ZNF521: variants seen among roughly 807,000 people sequenced by gnomAD.
The protein encoded by ZNF521 is zinc finger protein 521, also known as LYST-interacting protein 3.
A neutral mutation model predicts 105.5 loss-of-function variants in ZNF521; 14 were observed. The ratio of observed to expected loss-of-function variants is 0.13; its 90% confidence interval spans 0.09 to 0.21. ZNF521 has a LOEUF of 0.21. Ranked by LOEUF, ZNF521 falls within the 10% of genes least tolerant of loss-of-function variation. ZNF521 has a pLI of 1.00. For synonymous variants in ZNF521, 635 were observed against 606.0 expected (o/e 1.05, Z -0.70); for missense variants, 1,233 against 1,629.7 (o/e 0.76, Z 4.19).
At chr18:25,267,676 C>T (rs1325070910) in intron 3 of ZNF521, among the ~76,000 whole-genome samples, 1 of 152,154 alleles carries the variant, frequency 6.6e-6, no homozygotes, top group African/African-American at 2.4e-5. Flanking sequence ...AGAAGAGCTG[C>T]AGCAGAGGGG....
chr18:25,236,276 C>A (rs920653849), intron 3 of ZNF521, among the ~76,000 whole-genome samples: 1 of 152,172 alleles, frequency 6.6e-6, no homozygotes, highest in Admixed American at 6.5e-5. Context: ...TGGCTCACGC[C>A]TGTAATCCCA....
At chr18:25,341,923 C>T (rs1441107439) in intron 2 of ZNF521, among the ~76,000 whole-genome samples, 33 of 152,070 alleles carry the variant, frequency 2.2e-4, no homozygotes, top group African/African-American at 2.2e-4. Context: ...TGGGATAAGA[C>T]GGGCATCAAA....
intron 5 of ZNF521, among the ~76,000 whole-genome samples, chr18:25,160,885 C>T (rs2035238991): frequency 6.6e-6 from 1 of 152,032 alleles, no homozygotes; most frequent in Admixed American, 6.6e-5. Context: ...TAAAATTCAG[C>T]AGGTCCTGAT....
chr18:25,268,011 A>G (rs551004948), intron 3 of ZNF521, among the ~76,000 whole-genome samples: 1 of 152,328 alleles, frequency 6.6e-6, no homozygotes, highest in South Asian at 2.1e-4. Flanking sequence ...TTCTAACCCA[A>G]TGCAAGGAAG....
chr18:25,074,969 T>TA (rs2033324341), intron 7 of ZNF521, among the ~76,000 whole-genome samples: 1 of 152,146 alleles, frequency 6.6e-6, no homozygotes, highest in Non-Finnish European at 1.5e-5. Context: ...TTCATTACAA[T>TA]AAAGCAATAT....
At chr18:25,273,070 T>TC (rs1370589489) in intron 3 of ZNF521, among the ~76,000 whole-genome samples, 1 of 150,486 alleles carries the variant, frequency 6.6e-6, no homozygotes, top group Non-Finnish European at 1.5e-5. Context: ...CTACAAAAAA[T>TC]AAAAAATTTA....
chr18:25,191,261 T>C (rs2035813065), intron 5 of ZNF521, among the ~76,000 whole-genome samples: 1 of 152,172 alleles, frequency 6.6e-6, no homozygotes. Flanking sequence ...CTTGTACCTA[T>C]TCCATTCATT....
intron 7 of ZNF521, among the ~76,000 whole-genome samples, chr18:25,071,856 CTTTGT>C (rs1053639333): frequency 6.6e-6 from 1 of 152,148 alleles, no homozygotes; most frequent in African/African-American, 2.4e-5. Flanking sequence ...ATGTCAGAGG[CTTTGT>C]TCTTGGAGGA....
intron 3 of ZNF521, among the ~76,000 whole-genome samples, chr18:25,308,005 C>A (rs1158047833): frequency 6.6e-6 from 1 of 152,060 alleles, no homozygotes; most frequent in Non-Finnish European, 1.5e-5. Context: ...AGTTCAAGAC[C>A]AGCCTGGCCA....
chr18:25,209,878 C>G (rs950593534), intron 4 of ZNF521, among the ~76,000 whole-genome samples: 7 of 152,270 alleles, frequency 4.6e-5, no homozygotes, highest in African/African-American at 1.7e-4. Flanking sequence ...GTGGTCTTTA[C>G]ATTCTTTTTG....
chr18:25,220,200 G>A (rs1207791610), intron 4 of ZNF521, among the ~76,000 whole-genome samples: 2 of 152,220 alleles, frequency 1.3e-5, no homozygotes, highest in Non-Finnish European at 1.5e-5. Context: ...CCATAAAAGT[G>A]GACTGGCCAA....
intron 5 of ZNF521, among the ~76,000 whole-genome samples, chr18:25,138,198 C>T (rs2034772946): frequency 6.6e-6 from 1 of 152,092 alleles, no homozygotes; most frequent in South Asian, 2.1e-4. Flanking sequence ...AACTGCTATG[C>T]TTTGAATACA....
intron 5 of ZNF521, among the ~76,000 whole-genome samples, chr18:25,139,160 G>A (rs1600083016): frequency 6.6e-6 from 1 of 151,652 alleles, no homozygotes; most frequent in East Asian, 1.9e-4. Context: ...GATGAAGTTG[G>A]GATTTCAAGA....
rs558036877 is a variant in ZNF521 at position 25,350,469 on chromosome 18, T to C, written c.40+438A>G. Among the ~76,000 whole-genome samples the C allele has an allele frequency of 1.6e-4, 24 of 152,322 alleles. 1 individual carries two copies. The highest frequency in any genetic ancestry group is 1.4e-3 in the Admixed American group (21 of 15,310). On this transcript the variant is annotated intron_variant, in intron 2 of 7. Transcript: ENST00000361524. ...TGCTCCCCACCTCCGAGATGACTTT[T>C]TTCTTCTTCCAAAGAAAAGGAAAAA...
chr18:25,325,095 G>A (rs937610562), intron 2 of ZNF521, among the ~76,000 whole-genome samples: 1 of 152,200 alleles, frequency 6.6e-6, no homozygotes, highest in Non-Finnish European at 1.5e-5. Flanking sequence ...CTGGGAAGCG[G>A]GTTCGATTAT....
intron 3 of ZNF521, among the ~76,000 whole-genome samples, chr18:25,294,086 G>T (rs1470066331): frequency 1.3e-5 from 2 of 152,128 alleles, no homozygotes; most frequent in Non-Finnish European, 2.9e-5. Context: ...AAAAAGAAAT[G>T]ATTTTATTAG....
intron 5 of ZNF521, among the ~76,000 whole-genome samples, chr18:25,190,007 T>C (rs1263863913): frequency 6.6e-6 from 1 of 152,092 alleles, no homozygotes; most frequent in Non-Finnish European, 1.5e-5. Flanking sequence ...ACTTCTCATC[T>C]CTCCTGTACA....
At chr18:25,063,752 G>A (rs948163076) in intron 7 of ZNF521, among the ~76,000 whole-genome samples, 1 of 152,118 alleles carries the variant, frequency 6.6e-6, no homozygotes, top group South Asian at 2.1e-4. Flanking sequence ...CCTGGAGATG[G>A]CCTGATCTCC....
At chr18:25,322,964 G>T (rs1299785720) in intron 2 of ZNF521, among the ~76,000 whole-genome samples, 3 of 152,090 alleles carry the variant, frequency 2.0e-5, no homozygotes, top group Admixed American at 2.0e-4. Context: ...TACACAAACA[G>T]CAGGGAGAGA....
Sources: gnomAD v4.1 joint callset for allele counts (sites outside exome capture counted in the v4.1 genomes callset) on GRCh38, gnomAD v4.1.1 for gene constraint, MANE v1.5 for transcripts, NCBI Gene and HGNC (gene_info 2026-07-23, HGNC 2026-07-21) for gene names.